Variants in EYS observed in about 807,000 individuals in gnomAD.
The protein encoded by EYS is protein eyes shut homolog.
Under a neutral mutation model 282.1 loss-of-function variants are expected in EYS, and 250 were observed. That is an observed-to-expected ratio of 0.89 (90% CI 0.80 to 0.98). The LOEUF is 0.98. Among genes scored for constraint, EYS ranks in the 50% least tolerant of loss-of-function variants. The pLI is 0.00. For missense variants in EYS, 4,016 were observed against 3,709.0 expected (o/e 1.08, Z -2.15); for synonymous variants, 1,355 against 1,282.9 (o/e 1.06, Z -1.20).
At chr6:64,390,994 C>T (rs1035237661) in intron 28 of EYS, among the ~76,000 whole-genome samples, 27 of 151,806 alleles carry the variant, frequency 1.8e-4, no homozygotes, top group Non-Finnish European at 3.4e-4. Context: ...CCTCAGGAGC[C>T]GATGCGAATC....
At chr6:63,837,094 T>C (rs1284425930) in intron 36 of EYS, among the ~76,000 whole-genome samples, 1 of 152,108 alleles carries the variant, frequency 6.6e-6, no homozygotes, top group Non-Finnish European at 1.5e-5. Context: ...TATTTTTTGA[T>C]AGTACTGTCT....
chr6:64,770,780 C>T (rs151036812), intron 22 of EYS, among the ~76,000 whole-genome samples: 16 of 151,846 alleles, frequency 1.1e-4, no homozygotes, highest in African/African-American at 3.1e-4. Flanking sequence ...ATTTACAAAC[C>T]GAAGGTTTAG....
intron 22 of EYS, among the ~76,000 whole-genome samples, chr6:64,748,266 A>G (rs1246701871): frequency 6.6e-6 from 1 of 152,240 alleles, no homozygotes; most frequent in Non-Finnish European, 1.5e-5. Context: ...CTGGCATTCC[A>G]GCTACTCTAA....
intron 41 of EYS, among the ~76,000 whole-genome samples, chr6:63,738,712 A>G (rs952794773): frequency 2.6e-5 from 4 of 152,052 alleles, no homozygotes; most frequent in Non-Finnish European, 5.9e-5. Flanking sequence ...CATTGTGCAC[A>G]TGTACCCTAA....
At chr6:65,657,711 T>C (rs1255454501) in intron 1 of EYS, among the ~76,000 whole-genome samples, 1 of 151,890 alleles carries the variant, frequency 6.6e-6, no homozygotes, top group Non-Finnish European at 1.5e-5. Flanking sequence ...GCATATTACA[T>C]AAAGTTAGTT....
intron 31 of EYS, among the ~76,000 whole-genome samples, chr6:64,149,088 T>C (rs1338214796): frequency 2.6e-5 from 4 of 152,204 alleles, no homozygotes; most frequent in Non-Finnish European, 5.9e-5. Flanking sequence ...TATCTGTCCC[T>C]GACATAGATA....
intron 22 of EYS, among the ~76,000 whole-genome samples, chr6:64,728,538 C>T (rs997510888): frequency 7.2e-5 from 11 of 152,044 alleles, no homozygotes; most frequent in Admixed American, 5.9e-4. Flanking sequence ...GGTTTCACCG[C>T]ATTATCCAGG....
chr6:63,844,702 G>A (rs1772053386), intron 36 of EYS, among the ~76,000 whole-genome samples: 1 of 151,674 alleles, frequency 6.6e-6, no homozygotes, highest in Admixed American at 6.6e-5. Context: ...TTTTTAATGG[G>A]GCTGTTTATT....
chr6:64,128,828 A>G (rs909305980), intron 31 of EYS, among the ~76,000 whole-genome samples: 2 of 152,158 alleles, frequency 1.3e-5, no homozygotes, highest in Non-Finnish European at 2.9e-5. Context: ...AGGGTCTCAT[A>G]AGGCACAGTA....
intron 41 of EYS, among the ~76,000 whole-genome samples, chr6:63,745,361 C>T (rs1275321025): frequency 2.0e-5 from 3 of 152,110 alleles, no homozygotes; most frequent in South Asian, 4.1e-4. Flanking sequence ...CACCTATAGG[C>T]AAGGGAATGT....
At chr6:64,933,480 A>G (rs539165749) in intron 15 of EYS, among the ~76,000 whole-genome samples, 1 of 152,154 alleles carries the variant, frequency 6.6e-6, no homozygotes, top group Non-Finnish European at 1.5e-5. Context: ...AAATCAGTAA[A>G]CAACAGATGC....
intron 22 of EYS, among the ~76,000 whole-genome samples, chr6:64,694,146 C>T (rs538247178): frequency 5.9e-5 from 9 of 152,006 alleles, no homozygotes; most frequent in African/African-American, 1.7e-4. Flanking sequence ...AAAAATAAAT[C>T]GTTGTTGGGT....
At chr6:65,402,684 G>A (rs900325564) in intron 6 of EYS, 79 bp from the exon 7 acceptor site, 45 of 929,776 alleles carry the variant, frequency 4.8e-5, no homozygotes, top group Non-Finnish European at 6.8e-5. Context: ...ACCTGGAGAA[G>A]GGTTAAAATT....
At chr6:63,882,258 T>C (rs1225895384) in intron 35 of EYS, among the ~76,000 whole-genome samples, 1 of 152,242 alleles carries the variant, frequency 6.6e-6, no homozygotes, top group Non-Finnish European at 1.5e-5. Context: ...ATTTAAGGGA[T>C]ACTTTGTCTT....
chr6:63,953,069 A>G (rs569322151), intron 35 of EYS, among the ~76,000 whole-genome samples: 69 of 152,208 alleles, frequency 4.5e-4, no homozygotes, highest in Non-Finnish European at 8.2e-4. Flanking sequence ...TGCCCAACCC[A>G]TACACTATTT....
intron 12 of EYS, among the ~76,000 whole-genome samples, chr6:65,294,902 C>G (rs1416970055): frequency 1.3e-5 from 2 of 151,802 alleles, no homozygotes; most frequent in Admixed American, 1.3e-4. Flanking sequence ...TTTTAGCAAG[C>G]TTACCAGAAT....
At chr6:63,956,978 CAGATGTTACTTT>C (rs1299071819) in intron 35 of EYS, among the ~76,000 whole-genome samples, 1 of 152,144 alleles carries the variant, frequency 6.6e-6, no homozygotes, top group Non-Finnish European at 1.5e-5. Flanking sequence ...TCACACATTA[CAGATGTTACTTT>C]AGCATTTTCT....
At chr6:64,865,143 G>A (rs1766388054) in intron 19 of EYS, among the ~76,000 whole-genome samples, 1 of 152,058 alleles carries the variant, frequency 6.6e-6, no homozygotes, top group Non-Finnish European at 1.5e-5. Flanking sequence ...TTATTCAAAA[G>A]CCAATTATCT....
intron 2 of EYS, among the ~76,000 whole-genome samples, chr6:65,517,384 A>G (rs1302742147): frequency 1.3e-5 from 2 of 151,752 alleles, no homozygotes; most frequent in Non-Finnish European, 2.9e-5. Context: ...GTTTCTTTGA[A>G]TAACTAAAAT....
Sources: gnomAD v4.1 joint callset for allele counts (sites outside exome capture counted in the v4.1 genomes callset) on GRCh38, gnomAD v4.1.1 for gene constraint, MANE v1.5 for transcripts, NCBI Gene and HGNC (gene_info 2026-07-23, HGNC 2026-07-21) for gene names.